NT5C1A: variants seen among roughly 807,000 people sequenced by gnomAD.
The protein encoded by NT5C1A is 5'-nucleotidase, cytosolic IA.
In NT5C1A, 18 loss-of-function variants were observed where a neutral mutation model predicts 31.0. The ratio of observed to expected loss-of-function variants is 0.58; its 90% CI spans 0.40 to 0.86. The LOEUF (loss-of-function observed/expected upper bound fraction) is 0.86, where lower values mean the gene tolerates loss of function less well. Among genes scored for constraint, NT5C1A ranks in the 40% least tolerant of loss-of-function variants. The pLI, the probability that NT5C1A is intolerant of heterozygous loss-of-function variation, is 0.00. For missense variants in NT5C1A, 470 were observed against 505.4 expected (o/e 0.93, Z 0.67); for synonymous variants, 185 against 203.6 (o/e 0.91, Z 0.78).
rs1646452437 is a variant in NT5C1A, at chr1:39,654,969, G to A, written c.*4152C>T. On this transcript the variant is annotated 3_prime_UTR_variant, in exon 6 of 6. Transcript: ENST00000235628. ...TCTTTTTTTTTTTCTTTGAGACGGAGTCTCACCCTGATGCCAGGCTGGAGT... is the reference window on the plus strand; with the variant it reads ...TCTTTTTTTTTTTCTTTGAGACGGAATCTCACCCTGATGCCAGGCTGGAGT... 6.6e-6 allele frequency among the ~76,000 whole-genome samples: 1 copy of A among 151,844 alleles called. No homozygotes were observed. Among genetic ancestry groups the A allele is most frequent in the Non-Finnish European group, 1.5e-5 (1 of 67,970 alleles).
Position 39,652,668 on chromosome 1 carries a change from G to A in NT5C1A, c.*6453C>T, listed in dbSNP as rs1052954613. 1.3e-5 allele frequency among the ~76,000 whole-genome samples: 2 copies of A among 152,062 alleles called. No homozygotes were observed. The highest frequency in any genetic ancestry group is 2.9e-5 in the Non-Finnish European group (2 of 68,024). Reference sequence around the variant, plus strand: ...ACAGGCCAGGAGTGTGGGAGTCAGTGACCCCAGTCTTCACAGCTTTGGTTT... The same window carrying A: ...ACAGGCCAGGAGTGTGGGAGTCAGTAACCCCAGTCTTCACAGCTTTGGTTT... On this transcript the variant is annotated 3_prime_UTR_variant, in exon 6 of 6. Coordinates refer to ENST00000235628, the MANE Select transcript of NT5C1A (RefSeq NM_032526.3).
chr1:39,659,954 G>T (rs1308064420), intron 5 of NT5C1A, among the ~76,000 whole-genome samples: 1 of 152,174 alleles, frequency 6.6e-6, no homozygotes, highest in African/African-American at 2.4e-5. Context: ...GTGGCTCAGG[G>T]TGTCATCCTC....
rs79866146 is a variant in NT5C1A, at chr1:39,658,182, A to G, written c.*939T>C. On this transcript the variant is annotated 3_prime_UTR_variant, in exon 6 of 6. Coordinates refer to ENST00000235628, the MANE Select transcript of NT5C1A (RefSeq NM_032526.3). ...CAAAGGAAACACTGAGCAGGCAGCT[A>G]CTAATGCTTCTCCCGGGAAGAGCCT... Among the ~76,000 whole-genome samples, 186 of 152,330 alleles carry G rather than the reference A, an allele frequency of 1.2e-3. 1 individual carries two copies. In the East Asian group the frequency reaches 0.02, roughly 17 times the overall value.
intron 1 of NT5C1A, 27 bp from the exon 2 acceptor site, chr1:39,666,263 T>G: frequency 6.2e-7 from 1 of 1,610,390 alleles, no homozygotes; most frequent in Non-Finnish European, 8.5e-7. Flanking sequence ...GAAGGGGTTG[T>G]CACTCAGATG....
rs1294738273 is a variant in NT5C1A, at chr1:39,655,370, G to C, written c.*3751C>G. Among the ~76,000 whole-genome samples, 1 of 152,220 alleles carries C rather than the reference G, an allele frequency of 6.6e-6. No individual in the cohort carries two copies. The highest frequency in any genetic ancestry group is 1.5e-5 in the Non-Finnish European group (1 of 68,042). ...GTTTCTCAAAACTTGGGATTGTTTG[G>C]AAGTGCTTCTGGGGGTTCACAAACG... On this transcript the variant is annotated 3_prime_UTR_variant, in exon 6 of 6. Transcript: ENST00000235628.
At chr1:39,671,409 G>A (rs1402778538) in intron 1 of NT5C1A, among the ~76,000 whole-genome samples, 1 of 152,198 alleles carries the variant, frequency 6.6e-6, no homozygotes, top group African/African-American at 2.4e-5. Flanking sequence ...TCCTTAGGAC[G>A]CGGGGAGCGC....
rs1646554176 is a variant in NT5C1A at position 39,671,889 on chromosome 1, G to A, written c.135+15C>T. 3 of 1,612,696 alleles carry A rather than the reference G, an allele frequency of 1.9e-6. No individual in the cohort carries two copies. The highest frequency in any genetic ancestry group is 2.7e-5 in the African/African-American group (2 of 74,734). ...CCCTTCCCCCGTCCCCCGCATACCC[G>A]TGCATTGCTTTTACCGATTTGGGTT... On this transcript the variant is annotated intron_variant, in intron 1 of 5. Coordinates refer to ENST00000235628, the MANE Select transcript of NT5C1A (RefSeq NM_032526.3).
chr1:39,653,539 A>C lies in NT5C1A; in HGVS notation c.*5582T>G, dbSNP rs1219770408. 2.6e-5 allele frequency among the ~76,000 whole-genome samples: 4 copies of C among 152,140 alleles called. No individual in the cohort carries two copies. Among genetic ancestry groups the C allele is most frequent in the Non-Finnish European group, 5.9e-5 (4 of 68,028 alleles). ...TGCCGGCAAGAGCAATCGGCTCGTC[A>C]CTCGGGCATATTTAGCAAACATTTC... is the stretch of plus-strand genomic sequence containing the variant. On this transcript the variant is annotated 3_prime_UTR_variant, in exon 6 of 6. Transcript: ENST00000235628.
Position 39,659,191 on chromosome 1 carries a change from T to C in NT5C1A, c.1037A>G (p.His346Arg). The C allele has an allele frequency of 6.2e-7, 1 of 1,614,042 alleles. No homozygotes were observed. The highest frequency in any genetic ancestry group is 8.5e-7 in the Non-Finnish European group (1 of 1,180,032). The change falls in exon 6 of 6, where the codon CAT becomes CGT. Residue 346 changes from histidine to arginine, a missense_variant. Physicochemically the swap from His to Arg is conservative, Grantham distance 29. Transcript: ENST00000235628. ...GAQEMGTVAAHVPYGVAQTPR... is the reference protein window; with the variant it reads ...GAQEMGTVAARVPYGVAQTPR... The stretch of plus-strand genomic sequence containing the variant: ...TGTCTGTGCCACACCATAAGGCACA[T>C]GGGCGGCCACAGTGCCCATCTCCTG...
At chr1:39,666,893 C>T (rs970478122) in intron 1 of NT5C1A, among the ~76,000 whole-genome samples, 2 of 152,226 alleles carry the variant, frequency 1.3e-5, no homozygotes, top group African/African-American at 4.8e-5. Context: ...CCTCATCAAT[C>T]GATTACCGAA....
chr1:39,666,209 C>A lies in NT5C1A; in HGVS notation c.163G>T (p.Ala55Ser), dbSNP rs140659096. Residue 55 changes from alanine to serine, a missense_variant, in exon 2 of 6, where the codon GCT (alanine) becomes TCT (serine). By Grantham distance (99) the Ala-to-Ser change is moderately conservative (BLOSUM62 1). Transcript: ENST00000235628. ...CGAAACAAGGCTCGGGAGGACACAG[C>A]GATGGTGACTGCATTCTGAGGCTTG... Reference protein sequence around the residue: ...SPKPQNAVTIAVSSRALFRMD... With the variant: ...SPKPQNAVTISVSSRALFRMD... 3 of 1,613,468 alleles carry A rather than the reference C, an allele frequency of 1.9e-6. No individual in the cohort carries two copies. The highest frequency in any genetic ancestry group is 4.5e-5 in the East Asian group (2 of 44,874).
rs1423084458 is a variant in NT5C1A at position 39,666,135 on chromosome 1, G to A, written c.237C>T (p.Tyr79=). 19 of 1,613,516 alleles carry A rather than the reference G, an allele frequency of 1.2e-5. No individual in the cohort carries two copies. Among genetic ancestry groups the A allele is most frequent in the East Asian group, 2.2e-5 (1 of 44,900 alleles). Residue 79 remains tyrosine, a synonymous_variant, in exon 2 of 6, where the codon TAC becomes TAT. Transcript: ENST00000235628. ...TCTCATGTTCCAGCTGGTAGCGCAC[G>A]TACTCCTCCACGCCCTGCTCCGTGT... ...QIYTEQGVEE[Y]VRYQLEHENE...
intron 1 of NT5C1A, 92 bp downstream of exon 1, chr1:39,671,811 AG>A: frequency 1.3e-6 from 2 of 1,484,816 alleles, no homozygotes. Flanking sequence ...CCCCTCCCAG[AG>A]GGGCGCCACG....
In NT5C1A at chr1:39,654,834, G is replaced by A. The variant is rs770471797; in HGVS notation, c.*4287C>T. ...AAAGGGCCAGATAATAAATATTTTT[G>A]GCTTGCAGCCTCTGTTGCAACAATT... On this transcript the variant is annotated 3_prime_UTR_variant, in exon 6 of 6. Transcript: ENST00000235628. 6.6e-6 allele frequency among the ~76,000 whole-genome samples: 1 copy of A among 152,194 alleles called. No individual in the cohort carries two copies. Among genetic ancestry groups the A allele is most frequent in the Non-Finnish European group, 1.5e-5 (1 of 68,042 alleles).
intron 1 of NT5C1A, 39 bp downstream of exon 1, chr1:39,671,865 C>T (rs1646553978): frequency 6.2e-7 from 1 of 1,610,298 alleles, no homozygotes; most frequent in Non-Finnish European, 8.5e-7. Context: ...CCGGGGTAAC[C>T]CTTCCCCCGT....
intron 1 of NT5C1A, among the ~76,000 whole-genome samples, chr1:39,668,575 A>G (rs1646534809): frequency 6.6e-6 from 1 of 152,188 alleles, no homozygotes; most frequent in Non-Finnish European, 1.5e-5. Flanking sequence ...GCAGAGCAAG[A>G]TGACATCTCA....
At chr1:39,664,181 T>G (rs1334065320) in intron 3 of NT5C1A, among the ~76,000 whole-genome samples, 1 of 151,432 alleles carries the variant, frequency 6.6e-6, no homozygotes, top group African/African-American at 2.4e-5. Flanking sequence ...TGAGACAGAG[T>G]CTTGCTCTGT....
intron 1 of NT5C1A, among the ~76,000 whole-genome samples, 170 bp downstream of exon 1, chr1:39,671,734 A>G (rs1305111584): frequency 6.6e-6 from 1 of 152,116 alleles, no homozygotes; most frequent in Non-Finnish European, 1.5e-5. Context: ...ACACCAGAGC[A>G]GAGCTCCCAA....
At chr1:39,661,949 C>T (rs1646494854) in intron 4 of NT5C1A, among the ~76,000 whole-genome samples, 1 of 152,304 alleles carries the variant, frequency 6.6e-6, no homozygotes, top group South Asian at 2.1e-4. Context: ...AAAAAACAAC[C>T]TAAGTGGCCC....
Sources: gnomAD v4.1 joint callset for allele counts (sites outside exome capture counted in the v4.1 genomes callset) on GRCh38, gnomAD v4.1.1 for gene constraint, MANE v1.5 for transcripts, NCBI Gene and HGNC (gene_info 2026-07-23, HGNC 2026-07-21) for gene names.